The following EDIL3 variants were observed in gnomAD, a reference collection of about 807,000 sequenced individuals.
The protein encoded by EDIL3 is EGF like and discoidin domains 3, also known as EGF-like repeat and discoidin I-like domain-containing protein 3.
In EDIL3, 37 loss-of-function variants were observed where a neutral mutation model predicts 67.4. The observed-to-expected ratio is 0.55, with a 90% CI of 0.42 to 0.72. The LOEUF is 0.72. EDIL3 is among the 30% of genes least tolerant of loss of function. The pLI is 0.00. For synonymous variants in EDIL3, 195 were observed against 196.3 expected, an observed-to-expected ratio of 0.99 and a Z score of 0.05; for missense variants, 527 against 586.3, an observed-to-expected ratio of 0.90 and a Z score of 1.04.
chr5:84,242,815 T>C (rs1462823621), intron 2 of EDIL3, among the ~76,000 whole-genome samples: 1 of 83,170 alleles, frequency 1.2e-5, no homozygotes, highest in Non-Finnish European at 2.3e-5. Context: ...AAAAAAAACT[T>C]CCAAAGAAAT....
intron 1 of EDIL3, among the ~76,000 whole-genome samples, chr5:84,344,587 T>C (rs79326505): frequency 0.15 from 23,097 of 152,072 alleles, 2,244 homozygotes; most frequent in Middle Eastern, 0.27. Context: ...CATGTAGATT[T>C]AAATGTTCAT....
At chr5:84,208,354 T>A (rs1376433717) in intron 3 of EDIL3, among the ~76,000 whole-genome samples, 1 of 152,016 alleles carries the variant, frequency 6.6e-6, no homozygotes, top group African/African-American at 2.4e-5. Context: ...TGAGATACCA[T>A]CTCACACCAG....
In EDIL3 at chr5:83,941,161, T is replaced by C. The variant is rs1332704295; in HGVS notation, c.*2258A>G. On this transcript the variant is annotated 3_prime_UTR_variant, in exon 11 of 11. Coordinates refer to ENST00000296591, the MANE Select transcript of EDIL3 (RefSeq NM_005711.5). ...TACTACTTTACAATAGTTTTCAACA[T>C]TTCCATATGGTGCGACCCCTTTGCT... The C allele has an allele frequency of 6.6e-6, 1 of 152,012 alleles. No homozygotes were observed. The highest frequency in any genetic ancestry group is 2.4e-5 in the African/African-American group (1 of 41,438). 9.4% of individuals were successfully genotyped at this position (152,012 alleles called of 1,614,324 possible). A position where few individuals can be genotyped will look rare whatever the true frequency, so the allele number is the denominator to read the frequency against.
intron 3 of EDIL3, among the ~76,000 whole-genome samples, chr5:84,210,145 C>T (rs1744088436): frequency 2.0e-5 from 3 of 152,114 alleles, no homozygotes; most frequent in Admixed American, 6.5e-5. Context: ...ACTTTGGCTT[C>T]CAAATTGCTA....
At chr5:84,153,107 G>A (rs1272150620) in intron 4 of EDIL3, among the ~76,000 whole-genome samples, 1 of 151,936 alleles carries the variant, frequency 6.6e-6, no homozygotes, top group African/African-American at 2.4e-5. Flanking sequence ...ATTACCAATA[G>A]CTAACATTTC....
chr5:83,978,116 G>T (rs1446720461), intron 9 of EDIL3, among the ~76,000 whole-genome samples: 1 of 151,882 alleles, frequency 6.6e-6, no homozygotes, highest in Non-Finnish European at 1.5e-5. Context: ...AAAAGGAAAA[G>T]ACTACAAACA....
intron 1 of EDIL3, among the ~76,000 whole-genome samples, chr5:84,367,509 C>T (rs1407330475): frequency 6.6e-6 from 1 of 152,120 alleles, no homozygotes; most frequent in African/African-American, 2.4e-5. Flanking sequence ...GAGCTAGGAG[C>T]GGTGGCTCAT....
intron 1 of EDIL3, among the ~76,000 whole-genome samples, chr5:84,300,107 T>C (rs1746126246): frequency 1.3e-5 from 2 of 152,226 alleles, no homozygotes; most frequent in African/African-American, 4.8e-5. Context: ...CTCACTGGAT[T>C]AATATCAAAG....
At chr5:84,054,119 T>C (rs1395172488) in intron 9 of EDIL3, among the ~76,000 whole-genome samples, 1 of 152,160 alleles carries the variant, frequency 6.6e-6, no homozygotes, top group Admixed American at 6.5e-5. Flanking sequence ...CATGATCAAG[T>C]GGGCTTCATC....
rs5869219 is a variant in EDIL3, at chr5:84,300,933, T to TACACACACACACAC, written c.68-46735_68-46722dup. ...AAATATACATGCACACACAGACACA[T>TACACACACACACAC]ACACACACACACACACACACGTCTC... On this transcript the variant is annotated intron_variant, in intron 1 of 10. Coordinates refer to ENST00000296591, the MANE Select transcript of EDIL3 (RefSeq NM_005711.5). Among the ~76,000 whole-genome samples the TACACACACACACAC allele has an allele frequency of 3.5e-4, 52 of 149,696 alleles. 1 individual carries two copies. The highest frequency in any genetic ancestry group is 3.3e-3 in the East Asian group (17 of 5,080).
At chr5:84,069,537 T>C (rs1042245085) in intron 6 of EDIL3, among the ~76,000 whole-genome samples, 6 of 152,072 alleles carry the variant, frequency 3.9e-5, no homozygotes, top group African/African-American at 1.2e-4. Flanking sequence ...TTAGAACATG[T>C]TTTTTATTTT....
At chr5:84,213,586 T>C (rs1048375680) in intron 3 of EDIL3, among the ~76,000 whole-genome samples, 3 of 152,158 alleles carry the variant, frequency 2.0e-5, no homozygotes, top group Non-Finnish European at 2.9e-5. Context: ...TGTTGTAACA[T>C]TTTAAATATT....
chr5:84,316,130 C>G (rs4352581), intron 1 of EDIL3, among the ~76,000 whole-genome samples: 11,318 of 152,216 alleles, frequency 0.074, 577 homozygotes, highest in South Asian at 0.18. Context: ...TGAAAAGATA[C>G]AACCAGTACC....
chr5:84,340,927 CA>C (rs1747098253), intron 1 of EDIL3, among the ~76,000 whole-genome samples: 1 of 151,796 alleles, frequency 6.6e-6, no homozygotes, highest in Non-Finnish European at 1.5e-5. Flanking sequence ...AACTCCAATC[CA>C]AACTCCTCCC....
intron 1 of EDIL3, among the ~76,000 whole-genome samples, chr5:84,332,801 C>A (rs1352211535): frequency 6.6e-6 from 1 of 152,074 alleles, no homozygotes; most frequent in Non-Finnish European, 1.5e-5. Flanking sequence ...AGAGCTGGAA[C>A]TATAATTAAA....
chr5:84,041,417 T>C (rs1020334139), intron 9 of EDIL3, among the ~76,000 whole-genome samples: 2 of 151,660 alleles, frequency 1.3e-5, no homozygotes, highest in Non-Finnish European at 2.9e-5. Flanking sequence ...GACACCAACA[T>C]GTAAGAAGAT....
At chr5:84,345,649 G>A (rs1747221255) in intron 1 of EDIL3, among the ~76,000 whole-genome samples, 1 of 152,164 alleles carries the variant, frequency 6.6e-6, no homozygotes, top group Non-Finnish European at 1.5e-5. Flanking sequence ...ATGATGTATT[G>A]CTTATGCTCC....
chr5:83,956,959 T>C (rs989024672), intron 10 of EDIL3, among the ~76,000 whole-genome samples: 15 of 151,756 alleles, frequency 9.9e-5, no homozygotes, highest in African/African-American at 3.6e-4. Flanking sequence ...TTCTTAACTT[T>C]AGTTTCAATT....
At chr5:83,953,847 G>A (rs1376365091) in intron 10 of EDIL3, among the ~76,000 whole-genome samples, 4 of 151,762 alleles carry the variant, frequency 2.6e-5, no homozygotes, top group Non-Finnish European at 5.9e-5. Context: ...CTTATTACAG[G>A]TGTATTTGTC....
Sources: gnomAD v4.1 joint callset for allele counts (sites outside exome capture counted in the v4.1 genomes callset) on GRCh38, gnomAD v4.1.1 for gene constraint, MANE v1.5 for transcripts, NCBI Gene and HGNC (gene_info 2026-07-23, HGNC 2026-07-21) for gene names.